CAMKMT: variants seen among roughly 807,000 people sequenced by gnomAD.
The protein encoded by CAMKMT is calmodulin-lysine N-methyltransferase, also known as CaM KMT.
Under a neutral mutation model 48.0 loss-of-function variants are expected in CAMKMT, and 53 were observed. That is an observed-to-expected ratio of 1.10 (90% CI 0.89 to 1.39). CAMKMT has a LOEUF of 1.39. CAMKMT is among the 40% of genes most tolerant of loss of function. CAMKMT has a pLI of 0.00. For synonymous variants in CAMKMT, 165 were observed against 152.3 expected (o/e 1.08, Z -0.61); for missense variants, 428 against 402.7 (o/e 1.06, Z -0.54).
In CAMKMT at chr2:44,361,982, C is replaced by T; in HGVS notation, c.-26C>T. 2.2e-6 allele frequency: 3 copies of T among 1,368,902 alleles called. No individual in the cohort carries two copies. The highest frequency in any genetic ancestry group is 2.8e-6 in the Non-Finnish European group (3 of 1,064,658). 84.8% of individuals were successfully genotyped at this position (1,368,902 alleles called of 1,614,324 possible). ...AGGGGACGAGCTGCGGCGGTGGCAC[C>T]TCCGGGTGTGGAAGGCTCCAGTGAG... On this transcript the variant is annotated 5_prime_UTR_variant, in exon 1 of 11. Coordinates refer to ENST00000378494, the MANE Select transcript of CAMKMT (RefSeq NM_024766.5).
intron 3 of CAMKMT, among the ~76,000 whole-genome samples, chr2:44,491,069 C>G (rs1270205866): frequency 1.3e-5 from 2 of 149,886 alleles, no homozygotes; most frequent in Admixed American, 6.7e-5. Flanking sequence ...GAGGATGGCT[C>G]AAGCCCAGGA....
chr2:44,613,132 T>C (rs140992493), intron 3 of CAMKMT, among the ~76,000 whole-genome samples: 1 of 152,374 alleles, frequency 6.6e-6, no homozygotes, highest in East Asian at 1.9e-4. Context: ...GACATTATTT[T>C]GGTAACATGG....
At chr2:44,620,750 A>G (rs957637376) in intron 3 of CAMKMT, among the ~76,000 whole-genome samples, 2 of 152,236 alleles carry the variant, frequency 1.3e-5, no homozygotes, top group Non-Finnish European at 2.9e-5. Flanking sequence ...CAAAACAAAC[A>G]GATTCTTTCT....
chr2:44,371,663 G>A (rs1679192638), intron 1 of CAMKMT, among the ~76,000 whole-genome samples: 1 of 152,102 alleles, frequency 6.6e-6, no homozygotes, highest in African/African-American at 2.4e-5. Flanking sequence ...CTCATGAACA[G>A]CTGTGTTTAT....
At chr2:44,457,525 A>AGCTGTACCT (rs1667629958) in intron 3 of CAMKMT, among the ~76,000 whole-genome samples, 1 of 151,238 alleles carries the variant, frequency 6.6e-6, no homozygotes, top group Non-Finnish European at 1.5e-5. Context: ...CAGCCTCCCG[A>AGCTGTACCT]GTAGCTGGGA....
chr2:44,593,587 T>C (rs1670452638), intron 3 of CAMKMT, among the ~76,000 whole-genome samples: 2 of 152,156 alleles, frequency 1.3e-5, no homozygotes, highest in African/African-American at 4.8e-5. Flanking sequence ...ATTTGTATTC[T>C]GTCTCCCAGG....
chr2:44,702,019 C>G (rs35806004), intron 3 of CAMKMT, among the ~76,000 whole-genome samples: 1 of 151,934 alleles, frequency 6.6e-6, no homozygotes. Context: ...AAATCAGCCT[C>G]TATAATTTTT....
At chr2:44,608,273 C>T (rs1260408501) in intron 3 of CAMKMT, among the ~76,000 whole-genome samples, 11 of 151,898 alleles carry the variant, frequency 7.2e-5, no homozygotes, top group Admixed American at 7.2e-4. Context: ...GGGGTTTCAC[C>T]GTGTTAGCCA....
intron 9 of CAMKMT, among the ~76,000 whole-genome samples, chr2:44,765,607 A>G (rs1052263705): frequency 1.3e-5 from 2 of 151,914 alleles, no homozygotes; most frequent in African/African-American, 2.4e-5. Flanking sequence ...GCATGCATCC[A>G]ATAGTTAGCA....
chr2:44,436,087 G>A (rs1290473722), intron 3 of CAMKMT, among the ~76,000 whole-genome samples: 1 of 151,670 alleles, frequency 6.6e-6, no homozygotes. Context: ...CTTTTTTCTT[G>A]TTTTTTGAGA....
chr2:44,382,551 T>A (rs2104390983), intron 2 of CAMKMT, among the ~76,000 whole-genome samples: 1 of 151,696 alleles, frequency 6.6e-6, no homozygotes, highest in South Asian at 2.1e-4. Flanking sequence ...CGATCTCCAC[T>A]CACTGCAAGC....
At chr2:44,616,308 AAGAT>A (rs1242991973) in intron 3 of CAMKMT, among the ~76,000 whole-genome samples, 3 of 152,194 alleles carry the variant, frequency 2.0e-5, no homozygotes, top group African/African-American at 7.2e-5. Context: ...AACACATCCT[AAGAT>A]AGTTAGTCAC....
At chr2:44,683,708 A>G (rs1676156260) in intron 3 of CAMKMT, among the ~76,000 whole-genome samples, 1 of 150,930 alleles carries the variant, frequency 6.6e-6, no homozygotes, top group Non-Finnish European at 1.5e-5. Flanking sequence ...CTGTAGTCCC[A>G]GCTACTCGGG....
At chr2:44,661,065 A>G (rs1674654482) in intron 3 of CAMKMT, among the ~76,000 whole-genome samples, 1 of 152,004 alleles carries the variant, frequency 6.6e-6, no homozygotes, top group Non-Finnish European at 1.5e-5. Flanking sequence ...GCTTTATTAA[A>G]CCATTATTTT....
intron 7 of CAMKMT, among the ~76,000 whole-genome samples, chr2:44,716,165 T>G (rs981410608): frequency 3.3e-5 from 5 of 152,212 alleles, no homozygotes; most frequent in Non-Finnish European, 7.3e-5. Context: ...GTTAAATTAA[T>G]TGTTTTCTTT....
chr2:44,738,161 C>T (rs1405464661), intron 7 of CAMKMT, among the ~76,000 whole-genome samples: 1 of 152,114 alleles, frequency 6.6e-6, no homozygotes, highest in Non-Finnish European at 1.5e-5. Context: ...GCCCCATCTT[C>T]TTAACTCAGG....
chr2:44,559,247 A>G (rs928339685), intron 3 of CAMKMT, among the ~76,000 whole-genome samples: 10 of 152,166 alleles, frequency 6.6e-5, no homozygotes, highest in Non-Finnish European at 1.5e-4. Flanking sequence ...ATAGTCCTCT[A>G]TTGCAGCTTC....
intron 3 of CAMKMT, among the ~76,000 whole-genome samples, chr2:44,519,314 A>C (rs1334583289): frequency 6.6e-6 from 1 of 152,198 alleles, no homozygotes; most frequent in Non-Finnish European, 1.5e-5. Flanking sequence ...TTTCCATTGG[A>C]ACATATTTTG....
At chr2:44,377,919 A>C (rs1679857916) in intron 2 of CAMKMT, among the ~76,000 whole-genome samples, 1 of 152,156 alleles carries the variant, frequency 6.6e-6, no homozygotes, top group South Asian at 2.1e-4. Context: ...CAGTAAATAA[A>C]AACTAGTGAT....
Sources: gnomAD v4.1 joint callset for allele counts (sites outside exome capture counted in the v4.1 genomes callset) on GRCh38, gnomAD v4.1.1 for gene constraint, MANE v1.5 for transcripts, NCBI Gene and HGNC (gene_info 2026-07-23, HGNC 2026-07-21) for gene names.